Variants in PTPRN2 observed in about 807,000 individuals in gnomAD.
The protein encoded by PTPRN2 is receptor-type tyrosine-protein phosphatase N2.
In PTPRN2, 74 loss-of-function variants were observed where a neutral mutation model predicts 118.8. The ratio of observed to expected loss-of-function variants is 0.62; its 90% CI spans 0.52 to 0.76. PTPRN2 has a LOEUF of 0.76. PTPRN2 is among the 30% of genes least tolerant of loss of function. The pLI is 0.00. For missense variants in PTPRN2, 1,481 were observed against 1,394.4 expected, an observed-to-expected ratio of 1.06 and a Z score of -0.99; for synonymous variants, 641 against 608.0, an observed-to-expected ratio of 1.05 and a Z score of -0.80.
chr7:158,060,259 A>T (rs1462094518), intron 11 of PTPRN2, among the ~76,000 whole-genome samples: 1 of 134,038 alleles, frequency 7.5e-6, no homozygotes, highest in Non-Finnish European at 1.5e-5. Context: ...ACATCACTGC[A>T]GCCACACTCC....
chr7:158,401,529 GCAGGAGTGGGGCTGCCATGGGACAGCCC>G (rs1411769537), intron 2 of PTPRN2, among the ~76,000 whole-genome samples: 2 of 152,202 alleles, frequency 1.3e-5, no homozygotes, highest in Non-Finnish European at 2.9e-5. Flanking sequence ...CTGGCCTAGT[GCAGGAGTGGGGCTGCCATGGGACAGCCC>G]CATGGTTGCC....
At chr7:158,137,972 A>G (rs2150455771) in intron 7 of PTPRN2, among the ~76,000 whole-genome samples, 2 of 152,274 alleles carry the variant, frequency 1.3e-5, no homozygotes, top group Admixed American at 1.3e-4. Context: ...CTATTCAAAT[A>G]TTTGACAATA....
At chr7:158,579,229 A>AT (rs1828504166) in intron 1 of PTPRN2, among the ~76,000 whole-genome samples, 1 of 152,212 alleles carries the variant, frequency 6.6e-6, no homozygotes, top group Non-Finnish European at 1.5e-5. Flanking sequence ...TATAAATGAT[A>AT]TTACTCTTTA....
At chr7:158,071,272 AGGTGCCCG>A (rs1563390178) in intron 11 of PTPRN2, among the ~76,000 whole-genome samples, 13 of 85,912 alleles carry the variant, frequency 1.5e-4, no homozygotes, top group Non-Finnish European at 2.3e-4. Flanking sequence ...GTGGTGGTGG[AGGTGCCCG>A]TGGTGGTGGA....
intron 2 of PTPRN2, among the ~76,000 whole-genome samples, chr7:158,442,872 A>T (rs549938284): frequency 2.0e-5 from 3 of 149,632 alleles, no homozygotes; most frequent in African/African-American, 7.4e-5. Context: ...GTTAAAACAG[A>T]TTTTATCTCC....
chr7:157,549,400 A>G (rs1347725081), intron 21 of PTPRN2, among the ~76,000 whole-genome samples: 2 of 150,244 alleles, frequency 1.3e-5, no homozygotes, highest in Non-Finnish European at 3.0e-5. Flanking sequence ...CTTTGATTGC[A>G]TAGGATTACT....
At chr7:158,429,667 G>T (rs1479390782) in intron 2 of PTPRN2, among the ~76,000 whole-genome samples, 1 of 152,230 alleles carries the variant, frequency 6.6e-6, no homozygotes, top group African/African-American at 2.4e-5. Context: ...GCTCCAGACC[G>T]CCAGCAGGCA....
intron 17 of PTPRN2, among the ~76,000 whole-genome samples, chr7:157,584,219 C>T (rs1376326635): frequency 1.3e-5 from 2 of 152,148 alleles, no homozygotes; most frequent in Non-Finnish European, 2.9e-5. Context: ...AGGAGGAAAG[C>T]TTCTCCTCCT....
At chr7:158,140,897 T>G (rs1343072799) in intron 6 of PTPRN2, among the ~76,000 whole-genome samples, 2 of 152,218 alleles carry the variant, frequency 1.3e-5, no homozygotes, top group Non-Finnish European at 2.9e-5. Flanking sequence ...CTTTCTTTTG[T>G]ATTCAGTGTT....
chr7:158,324,617 G>A lies in PTPRN2; in HGVS notation c.164-7685C>T, dbSNP rs554457704. Among the ~76,000 whole-genome samples, 9 of 151,900 alleles carry A rather than the reference G, an allele frequency of 5.9e-5. No homozygotes were observed. The South Asian group carries it at 1.9e-3, about 32-fold the overall frequency. ...TCTGCTTGGGCTCAGAGGGCCGATT[G>A]ACCCCCAGCATTTCTATCCCCAGCT... On this transcript the variant is annotated intron_variant, in intron 2 of 22. Coordinates refer to ENST00000389418, the MANE Select transcript of PTPRN2 (RefSeq NM_002847.5).
At chr7:158,051,832 C>T (rs185221862) in intron 11 of PTPRN2, among the ~76,000 whole-genome samples, 55 of 152,310 alleles carry the variant, frequency 3.6e-4, no homozygotes, top group East Asian at 1.3e-3. Flanking sequence ...CAAGTAGGCC[C>T]GGCTGCCAGG....
intron 3 of PTPRN2, among the ~76,000 whole-genome samples, chr7:158,289,272 C>T (rs540038090): frequency 9.9e-5 from 15 of 152,184 alleles, no homozygotes; most frequent in African/African-American, 3.4e-4. Flanking sequence ...CCCTTGGTCT[C>T]TCTTCTCCTT....
chr7:157,751,897 A>G (rs1801491608), intron 12 of PTPRN2, among the ~76,000 whole-genome samples: 1 of 152,104 alleles, frequency 6.6e-6, no homozygotes, highest in Admixed American at 6.5e-5. Flanking sequence ...CCGTGAACAC[A>G]TCTCCGCTTT....
rs919684792 is a variant in PTPRN2, at chr7:157,917,152, G to C, written c.1724-18415C>G. On this transcript the variant is annotated intron_variant, in intron 11 of 22. Transcript: ENST00000389418. The stretch of plus-strand genomic sequence containing the variant: ...GAAGGTCCCCACCACGGCAGGGGCT[G>C]GCCACGCACCCCGGCCACTCCAGGA... Among the ~76,000 whole-genome samples the C allele has an allele frequency of 1.8e-4, 27 of 152,246 alleles. 1 individual carries two copies. The highest frequency in any genetic ancestry group is 6.5e-5 in the Admixed American group (1 of 15,292).
At chr7:157,976,888 C>T (rs977940813) in intron 11 of PTPRN2, among the ~76,000 whole-genome samples, 4 of 151,860 alleles carry the variant, frequency 2.6e-5, no homozygotes, top group African/African-American at 9.7e-5. Context: ...AACACTTCTG[C>T]TTAAGCTCCC....
chr7:158,219,417 A>C (rs1196030042), intron 3 of PTPRN2, among the ~76,000 whole-genome samples: 1 of 152,146 alleles, frequency 6.6e-6, no homozygotes, highest in Non-Finnish European at 1.5e-5. Context: ...CAACTAAAGC[A>C]GTGTTAAAAG....
Position 157,576,654 on chromosome 7 carries a change from T to A in PTPRN2, c.2742A>T (p.Arg914=). 8 of 1,612,740 alleles carry A rather than the reference T, an allele frequency of 5.0e-6. No homozygotes were observed. The highest frequency in any genetic ancestry group is 6.8e-6 in the Non-Finnish European group (8 of 1,179,456). The change falls in exon 19 of 23, where the codon CGA becomes CGT. Residue 914 remains arginine (R), a synonymous_variant. Coordinates refer to ENST00000389418, the MANE Select transcript of PTPRN2 (RefSeq NM_002847.5). ...GGGACCTTGAGGAGGAAGGGACTCC[T>A]CGGTCATACCAACTCAGGAAGTGGA... ...TQFHFLSWYD[R]GVPSSSRSLL... is the part of the protein sequence containing the mutation.
At chr7:158,190,773 C>T (rs73173694) in intron 5 of PTPRN2, among the ~76,000 whole-genome samples, 1 of 152,226 alleles carries the variant, frequency 6.6e-6, no homozygotes, top group African/African-American at 2.4e-5. Context: ...CCCCGTGGCC[C>T]CTGCATGGCT....
At chr7:158,255,376 C>A (rs1039770119) in intron 3 of PTPRN2, among the ~76,000 whole-genome samples, 3 of 152,200 alleles carry the variant, frequency 2.0e-5, no homozygotes, top group Non-Finnish European at 4.4e-5. Context: ...CAGGAGTCCA[C>A]GGCCACAGGG....
Sources: allele counts gnomAD v4.1 joint callset (sites outside exome capture counted in the v4.1 genomes callset), GRCh38; gene constraint gnomAD v4.1.1; transcripts MANE v1.5; gene names NCBI Gene and HGNC (gene_info 2026-07-23, HGNC 2026-07-21).